Variants in CFAP299 observed in about 807,000 individuals in gnomAD.
CFAP299 encodes cilia and flagella associated protein 299, also known as cilia- and flagella-associated protein 299.
A neutral mutation model predicts 27.0 loss-of-function variants in CFAP299; 21 were observed. The ratio of observed to expected loss-of-function variants is 0.78; its 90% CI spans 0.55 to 1.12. The LOEUF is 1.12. CFAP299 is among the 50% of genes most tolerant of loss of function. The pLI is 0.00. For synonymous variants in CFAP299, 104 were observed against 98.1 expected (o/e 1.06, Z -0.36); for missense variants, 310 against 276.6 (o/e 1.12, Z -0.86).
chr4:80,443,465 C>T (rs766107724), intron 2 of CFAP299, among the ~76,000 whole-genome samples: 22 of 152,140 alleles, frequency 1.4e-4, no homozygotes, highest in African/African-American at 1.7e-4. Flanking sequence ...AAAAGGCCTT[C>T]GATAAAATTC....
chr4:80,630,130 G>T (rs1330278223), intron 3 of CFAP299, among the ~76,000 whole-genome samples: 2 of 152,044 alleles, frequency 1.3e-5, no homozygotes, highest in East Asian at 1.9e-4. Context: ...ATCCTCCACG[G>T]GATAATGAGA....
intron 3 of CFAP299, among the ~76,000 whole-genome samples, chr4:80,717,131 T>C (rs1722533611): frequency 6.6e-6 from 1 of 152,100 alleles, no homozygotes; most frequent in African/African-American, 2.4e-5. Context: ...TTTATGAAGT[T>C]TTCAATATGT....
chr4:80,546,433 T>G (rs762149263), intron 2 of CFAP299, among the ~76,000 whole-genome samples: 10 of 152,038 alleles, frequency 6.6e-5, no homozygotes, highest in Non-Finnish European at 1.2e-4. Flanking sequence ...AGGTGAAAAC[T>G]CTCTACAAGC....
intron 3 of CFAP299, among the ~76,000 whole-genome samples, chr4:80,708,475 T>A (rs969440274): frequency 6.6e-6 from 1 of 152,144 alleles, no homozygotes; most frequent in African/African-American, 2.4e-5. Context: ...CAGTGTATGA[T>A]TTCCAGTTGA....
chr4:80,816,291 GATAAA>G (rs562573705), intron 3 of CFAP299, among the ~76,000 whole-genome samples: 129 of 152,160 alleles, frequency 8.5e-4, no homozygotes, highest in African/African-American at 3.0e-3. Flanking sequence ...CTGTAGCAAA[GATAAA>G]ATAAAATGTA....
chr4:80,767,005 T>C (rs938920614), intron 3 of CFAP299, among the ~76,000 whole-genome samples: 1 of 152,064 alleles, frequency 6.6e-6, no homozygotes. Flanking sequence ...AAGGCAGCAG[T>C]CCCCCCTTAT....
At chr4:80,794,480 AC>A (rs1246409941) in intron 3 of CFAP299, among the ~76,000 whole-genome samples, 2 of 151,960 alleles carry the variant, frequency 1.3e-5, no homozygotes, top group Non-Finnish European at 2.9e-5. Flanking sequence ...GGAGAACTTT[AC>A]CCCAGCCCTG....
intron 3 of CFAP299, among the ~76,000 whole-genome samples, chr4:80,787,424 C>G (rs1214910124): frequency 6.6e-6 from 1 of 151,574 alleles, no homozygotes; most frequent in East Asian, 1.9e-4. Context: ...ATTCAGTCAC[C>G]TTTCTTTAAA....
intron 2 of CFAP299, among the ~76,000 whole-genome samples, chr4:80,380,069 A>G (rs1173448536): frequency 6.6e-6 from 1 of 152,038 alleles, no homozygotes; most frequent in African/African-American, 2.4e-5. Context: ...TGATTTATGT[A>G]TTTTGATATT....
At chr4:80,806,211 T>C (rs1728859309) in intron 3 of CFAP299, among the ~76,000 whole-genome samples, 1 of 152,320 alleles carries the variant, frequency 6.6e-6, no homozygotes, top group East Asian at 1.9e-4. Context: ...TCATTTGACA[T>C]GAAGTCCTAT....
intron 3 of CFAP299, among the ~76,000 whole-genome samples, chr4:80,679,453 A>G (rs571292880): frequency 2.6e-5 from 4 of 152,198 alleles, no homozygotes; most frequent in African/African-American, 7.2e-5. Context: ...TGTGAATCCT[A>G]TGTAGTATGG....
At chr4:80,894,823 A>G (rs1348501963) in intron 4 of CFAP299, among the ~76,000 whole-genome samples, 1 of 151,944 alleles carries the variant, frequency 6.6e-6, no homozygotes, top group East Asian at 1.9e-4. Context: ...ATAATGGAAT[A>G]TTATTCAGCC....
intron 5 of CFAP299, among the ~76,000 whole-genome samples, chr4:80,953,243 G>A (rs1484386973): frequency 6.6e-6 from 1 of 152,104 alleles, no homozygotes; most frequent in Non-Finnish European, 1.5e-5. Context: ...TTTGGCCCCT[G>A]TATTTTCCTT....
the CFAP299 span, among the ~76,000 whole-genome samples, chr4:80,325,472 A>G: frequency 2.0e-5 from 3 of 152,242 alleles, no homozygotes; most frequent in Non-Finnish European, 2.9e-5. Context: ...TTTCCTAAAA[A>G]TAATACCCAT....
At chr4:80,490,469 T>C (rs918372056) in intron 2 of CFAP299, among the ~76,000 whole-genome samples, 1 of 152,228 alleles carries the variant, frequency 6.6e-6, no homozygotes, top group Non-Finnish European at 1.5e-5. Context: ...CCATAGAATA[T>C]GAGATCTGTG....
intron 3 of CFAP299, among the ~76,000 whole-genome samples, chr4:80,799,564 A>C (rs796190987): frequency 1.3e-5 from 1 of 76,062 alleles, no homozygotes. Context: ...ATATTTAATA[A>C]ATATATATAT....
intron 3 of CFAP299, among the ~76,000 whole-genome samples, chr4:80,652,662 A>C (rs1740363961): frequency 1.3e-5 from 2 of 152,138 alleles, no homozygotes; most frequent in Admixed American, 6.6e-5. Flanking sequence ...ATGAACCCTC[A>C]AGTCCTGGTT....
intron 4 of CFAP299, among the ~76,000 whole-genome samples, chr4:80,893,509 TA>T: frequency 6.6e-6 from 1 of 151,784 alleles, no homozygotes; most frequent in East Asian, 1.9e-4. Flanking sequence ...GATGCTAGCA[TA>T]AAAACAGACA....
intron 2 of CFAP299, among the ~76,000 whole-genome samples, chr4:80,406,782 T>A (rs1303699053): frequency 6.6e-6 from 1 of 152,198 alleles, no homozygotes; most frequent in Non-Finnish European, 1.5e-5. Flanking sequence ...TTGTTGATTA[T>A]CTATTGTGTT....
Sources: allele counts gnomAD v4.1 joint callset (sites outside exome capture counted in the v4.1 genomes callset), GRCh38; gene constraint gnomAD v4.1.1; transcripts MANE v1.5; gene names NCBI Gene and HGNC (gene_info 2026-07-23, HGNC 2026-07-21).